The following SLC19A1 variants were observed in gnomAD, a reference collection of about 807,000 sequenced individuals.
SLC19A1 encodes the protein solute carrier family 19 member 1.
In SLC19A1, 37 loss-of-function variants were observed where a neutral mutation model predicts 35.3. That is an observed-to-expected ratio of 1.05 (90% CI 0.81 to 1.38). The LOEUF is 1.38. Among genes scored for constraint, SLC19A1 ranks in the 40% most tolerant of loss-of-function variants. SLC19A1 has a pLI of 0.00. For missense variants in SLC19A1, 831 were observed against 826.9 expected (o/e 1.00, Z -0.06); for synonymous variants, 460 against 398.5 (o/e 1.15, Z -1.84).
At chr21:45,527,990 T>C (rs1171416387) in intron 4 of SLC19A1, among the ~76,000 whole-genome samples, 1 of 145,912 alleles carries the variant, frequency 6.9e-6, no homozygotes, top group African/African-American at 2.5e-5. Context: ...AAAGTTCACC[T>C]GAAGAAAAAA....
chr21:45,505,488 A>T, intron 3 of SLC19A1: 1 of 905,852 alleles, frequency 1.1e-6, no homozygotes. Context: ...CTGGTTCTGC[A>T]GCCCCTGCCC....
intron 1 of SLC19A1, among the ~76,000 whole-genome samples, chr21:45,539,902 G>A (rs1486347648): frequency 6.6e-6 from 1 of 152,202 alleles, no homozygotes; most frequent in Non-Finnish European, 1.5e-5. Context: ...GGCACAGCTG[G>A]GAAGAAGATG....
intron 5 of SLC19A1, 149 bp from the exon 6 acceptor site, chr21:45,516,289 G>T: frequency 1.6e-6 from 1 of 644,950 alleles, no homozygotes; most frequent in Non-Finnish European, 2.7e-6. Context: ...AGCCCCAGGA[G>T]CAGGTGCCAC....
upstream of SLC19A1, among the ~76,000 whole-genome samples, chr21:45,546,435 G>A (rs2078416349): frequency 2.0e-5 from 3 of 152,218 alleles, no homozygotes; most frequent in South Asian, 6.2e-4. Context: ...TGGGCATGGA[G>A]TTGAATTCTG....
chr21:45,537,719 T>TGGGGGGGCCCCCCCCCCCCCC lies in SLC19A1; in HGVS notation c.189+51_189+52insGGGGGGGGGGGGGGCCCCCCC. 3 of 319,776 alleles carry TGGGGGGGCCCCCCCCCCCCCC rather than the reference T, an allele frequency of 9.4e-6. 1 individual carries two copies. Among genetic ancestry groups the TGGGGGGGCCCCCCCCCCCCCC allele is most frequent in the Non-Finnish European group, 1.7e-5 (3 of 177,720 alleles). The allele number at this position is 319,776 out of a possible 1,614,324, so 19.8% of individuals were successfully genotyped here. A position where few individuals can be genotyped will look rare whatever the true frequency, so the allele number is the denominator to read the frequency against. On this transcript the variant is annotated intron_variant, in intron 2 of 5. Transcript: ENST00000311124. ...CCCACGTGCCTATTCCAGACGCTGC[T>TGGGGGGGCCCCCCCCCCCCCC]CCCCGCCCACCCACCCACAGGCGGC...
At chr21:45,539,034 C>T (rs1196861278) in intron 1 of SLC19A1, among the ~76,000 whole-genome samples, 2 of 152,224 alleles carry the variant, frequency 1.3e-5, no homozygotes, top group Non-Finnish European at 2.9e-5. Context: ...TCGTGCCTTT[C>T]AGCTGCGGGG....
upstream of SLC19A1, among the ~76,000 whole-genome samples, chr21:45,548,372 T>C (rs1426417824): frequency 6.6e-6 from 1 of 152,270 alleles, no homozygotes; most frequent in Non-Finnish European, 1.5e-5. Context: ...ATATTCCTTG[T>C]ATCTGATACA....
At chr21:45,529,876 TGTGA>T (rs1174828419) in intron 4 of SLC19A1, among the ~76,000 whole-genome samples, 12 of 150,524 alleles carry the variant, frequency 8.0e-5, no homozygotes, top group Non-Finnish European at 1.2e-4. Flanking sequence ...GGTGCATTCA[TGTGA>T]GTGTGGTGGG....
intron 1 of SLC19A1, among the ~76,000 whole-genome samples, chr21:45,553,632 C>T (rs1218506398): frequency 6.4e-5 from 5 of 78,534 alleles, no homozygotes; most frequent in East Asian, 3.5e-4. Context: ...AATCCCCCCG[C>T]GCCCCCCTCC....
At chr21:45,542,726 G>A (rs1465141197), upstream of SLC19A1, among the ~76,000 whole-genome samples, 2 of 150,412 alleles carry the variant, frequency 1.3e-5, no homozygotes, top group Non-Finnish European at 3.0e-5. Context: ...GCATCCTGGG[G>A]TGCCACTCGC....
In SLC19A1 at chr21:45,534,714, C is replaced by A; in HGVS notation, c.190-2566G>T. 1 of 876,844 alleles carries A rather than the reference C, an allele frequency of 1.1e-6. No homozygotes were observed. The highest frequency in any genetic ancestry group is 1.5e-5 in the South Asian group (1 of 64,740). The allele number at this position is 876,844 out of a possible 1,614,324, so 54.3% of individuals were successfully genotyped here. A position where few individuals can be genotyped will look rare whatever the true frequency, so the allele number is the denominator to read the frequency against. On this transcript the variant is annotated intron_variant, in intron 2 of 5. Transcript: ENST00000311124. The surrounding 1 kb of genome is among the most constrained non-coding windows in gnomAD (Gnocchi z 4.2). ...TGCACCTCCTCAACGGCCCCTACTC[C>A]CTCTTCCTCAGCCTTGGCAGGCAGA...
At chr21:45,504,686 A>ATGTCCC in intron 3 of SLC19A1, 1 of 790,258 alleles carries the variant, frequency 1.3e-6, no homozygotes, top group Non-Finnish European at 2.1e-6. Context: ...CAGCCCCGAC[A>ATGTCCC]TGTCCCTGTC....
In SLC19A1 at chr21:45,534,502, A is replaced by C. The variant is rs1047506506; in HGVS notation, c.190-2354T>G. ...CTCCCCAGACCCCACGGCTCTCTGGAAAAGGGCGGCCAGGGGTCCTAGAAG... is the reference window on the plus strand; with the variant it reads ...CTCCCCAGACCCCACGGCTCTCTGGCAAAGGGCGGCCAGGGGTCCTAGAAG... On this transcript the variant is annotated intron_variant, in intron 2 of 5. Transcript: ENST00000311124. The surrounding 1 kb of genome is among the most constrained non-coding windows in gnomAD (Gnocchi z 4.2). 4 of 1,483,596 alleles carry C rather than the reference A, an allele frequency of 2.7e-6. No homozygotes were observed. Among genetic ancestry groups the C allele is most frequent in the Admixed American group, 2.0e-5 (1 of 50,878 alleles). 91.9% of individuals were successfully genotyped at this position (1,483,596 alleles called of 1,614,324 possible).
At chr21:45,559,199 G>T (rs2078591929) in intron 1 of SLC19A1, among the ~76,000 whole-genome samples, 2 of 152,348 alleles carry the variant, frequency 1.3e-5, no homozygotes, top group South Asian at 4.1e-4. Context: ...AGATGTGCTT[G>T]CATCCAACCT....
downstream of SLC19A1, among the ~76,000 whole-genome samples, chr21:45,510,635 T>A (rs62214277): frequency 6.6e-6 from 1 of 152,212 alleles, no homozygotes; most frequent in Non-Finnish European, 1.5e-5. Flanking sequence ...TCTAGTGCCA[T>A]GCGGGCTGGT....
Position 45,529,619 on chromosome 21 carries a change from A to ATGTG in SLC19A1, c.1151+1150_1151+1151insCACA, listed in dbSNP as rs1279995545. ...TGTGTGAGCGTGTGTCCATGTGTGA[A>ATGTG]CGTGTCCATGTGTAAACGTGTGGTG... On this transcript the variant is annotated intron_variant, in intron 4 of 5. Coordinates refer to ENST00000311124, the MANE Select transcript of SLC19A1 (RefSeq NM_194255.4). Among the ~76,000 whole-genome samples, 3 of 11,530 alleles carry ATGTG rather than the reference A, an allele frequency of 2.6e-4. No individual in the cohort carries two copies. The African/African-American group carries it at 2.6e-3, about 10-fold the overall frequency. The allele number at this position is 11,530 out of a possible 152,430, so 7.6% of individuals were successfully genotyped here.
At chr21:45,537,303 C>T (rs916061820) in intron 2 of SLC19A1, among the ~76,000 whole-genome samples, 3 of 152,134 alleles carry the variant, frequency 2.0e-5, no homozygotes, top group Admixed American at 1.3e-4. Context: ...GGGTTCCCTC[C>T]AGGACCATAT....
In SLC19A1 at chr21:45,526,004, C is replaced by G. The variant is rs751134512; in HGVS notation, c.1152-46G>C. ...GATCAGGCGCTGCTGGGAGAATAAG[C>G]AGCAGCCACAGGGAAAAGCCTGCAG... On this transcript the variant is annotated intron_variant, in intron 4 of 5. Transcript: ENST00000311124. 5.4e-5 allele frequency: 86 copies of G among 1,596,190 alleles called. No individual in the cohort carries two copies. The Admixed American group carries it at 1.5e-3, about 27-fold the overall frequency.
chr21:45,504,308 TG>T, intron 3 of SLC19A1: 1 of 1,159,138 alleles, frequency 8.6e-7, no homozygotes, highest in South Asian at 1.5e-5. Flanking sequence ...CTCCCAGGCC[TG>T]GGCTCCGGAA....
Sources: allele counts gnomAD v4.1 joint callset (sites outside exome capture counted in the v4.1 genomes callset), GRCh38; gene constraint gnomAD v4.1.1; non-coding constraint Gnocchi (gnomAD v3.1); transcripts MANE v1.5; gene names NCBI Gene and HGNC (gene_info 2026-07-23, HGNC 2026-07-21).